Variants in MAP4K5 observed in about 807,000 individuals in gnomAD.
MAP4K5 encodes MAPK/ERK kinase kinase kinase 5.
In MAP4K5, 82 loss-of-function variants were observed where a neutral mutation model predicts 135.6. The ratio of observed to expected loss-of-function variants is 0.60; its 90% CI spans 0.51 to 0.73. MAP4K5 has a LOEUF of 0.73. Among genes scored for constraint, MAP4K5 ranks in the 30% least tolerant of loss-of-function variants. The pLI is 0.00. For missense variants in MAP4K5, 907 were observed against 1,010.9 expected, an observed-to-expected ratio of 0.90 and a Z score of 1.39; for synonymous variants, 347 against 335.0, an observed-to-expected ratio of 1.04 and a Z score of -0.39.
intron 26 of MAP4K5, among the ~76,000 whole-genome samples, chr14:50,436,634 G>C (rs1171034285): frequency 6.6e-6 from 1 of 152,094 alleles, no homozygotes; most frequent in Non-Finnish European, 1.5e-5. Context: ...TGCATACTGA[G>C]ATCAGCAAGG....
intron 1 of MAP4K5, among the ~76,000 whole-genome samples, chr14:50,556,713 T>G (rs931468840): frequency 3.3e-5 from 5 of 152,230 alleles, no homozygotes; most frequent in Non-Finnish European, 4.4e-5. Context: ...ATTTGCCTAT[T>G]CTATAAATTT....
intron 17 of MAP4K5, among the ~76,000 whole-genome samples, chr14:50,445,511 TC>T (rs1160202121): frequency 2.6e-5 from 4 of 152,186 alleles, no homozygotes; most frequent in Non-Finnish European, 5.9e-5. Context: ...ATGAACTGTT[TC>T]CCCTCCATGT....
chr14:50,441,730 A>C (rs113405977), intron 21 of MAP4K5, among the ~76,000 whole-genome samples: 1 of 148,932 alleles, frequency 6.7e-6, no homozygotes, highest in African/African-American at 2.5e-5. Context: ...GTCTCTAAAA[A>C]AAAATTATTT....
chr14:50,462,888 G>A (rs1595468621), intron 12 of MAP4K5, 107 bp from the exon 13 acceptor site: 2 of 655,938 alleles, frequency 3.0e-6, no homozygotes, highest in East Asian at 2.8e-5. Flanking sequence ...ACAAGTATAT[G>A]GGAGTCTACT....
chr14:50,534,317 T>G (rs988623029), upstream of MAP4K5, among the ~76,000 whole-genome samples: 1 of 152,110 alleles, frequency 6.6e-6, no homozygotes, highest in Non-Finnish European at 1.5e-5. Flanking sequence ...ACCAGAACAG[T>G]GTGACAAATC....
rs559983998 is a variant in MAP4K5, at chr14:50,469,062, T to C, written c.543-280A>G. ...TATTTTTGTGAATCTTGTTATGTAA[T>C]AGGCAAAAAGAAAAAGAATACCTAA... is the stretch of plus-strand genomic sequence containing the variant. On this transcript the variant is annotated intron_variant, in intron 9 of 32. Transcript: ENST00000682126. 1.1e-4 allele frequency among the ~76,000 whole-genome samples: 16 copies of C among 152,274 alleles called. No individual in the cohort carries two copies. The East Asian group carries it at 1.9e-3, about 18-fold the overall frequency.
Position 50,419,568 on chromosome 14 carries a change from T to C in MAP4K5, c.*451A>G, listed in dbSNP as rs2035678538. On this transcript the variant is annotated 3_prime_UTR_variant, in exon 33 of 33. Coordinates refer to ENST00000682126, the MANE Select transcript of MAP4K5 (RefSeq NM_006575.6). ...TAAATAAGGATTAAATATTCTGTTT[T>C]ACAAAAACATACAGAATGGCCAATA... 6.4e-6 allele frequency: 1 copy of C among 155,928 alleles called. No individual in the cohort carries two copies. The highest frequency in any genetic ancestry group is 6.3e-5 in the Admixed American group (1 of 15,962). The allele number at this position is 155,928 out of a possible 1,614,324, so 9.7% of individuals were successfully genotyped here.
At chr14:50,491,738 T>C (rs966001941) in intron 3 of MAP4K5, among the ~76,000 whole-genome samples, 1 of 150,966 alleles carries the variant, frequency 6.6e-6, no homozygotes, top group African/African-American at 2.4e-5. Flanking sequence ...CAGGCTAGAG[T>C]ACAGTGGCAC....
chr14:50,525,245 A>G (rs1452796544), intron 2 of MAP4K5, among the ~76,000 whole-genome samples: 1 of 152,196 alleles, frequency 6.6e-6, no homozygotes, highest in Non-Finnish European at 1.5e-5. Context: ...CACAAAATCC[A>G]GACTCCACAT....
At chr14:50,469,248 C>A (rs934401939) in intron 9 of MAP4K5, among the ~76,000 whole-genome samples, 1 of 152,064 alleles carries the variant, frequency 6.6e-6, no homozygotes, top group Non-Finnish European at 1.5e-5. Flanking sequence ...TGATAAGGGG[C>A]CATACATTGC....
At chr14:50,547,023 C>T (rs190882592) in intron 1 of MAP4K5, among the ~76,000 whole-genome samples, 1 of 151,936 alleles carries the variant, frequency 6.6e-6, no homozygotes, top group Admixed American at 6.6e-5. Context: ...GTGTTTCTCA[C>T]TCATAAGTGG....
At chr14:50,493,253 C>T (rs2037524241) in intron 3 of MAP4K5, among the ~76,000 whole-genome samples, 1 of 152,052 alleles carries the variant, frequency 6.6e-6, no homozygotes, top group Non-Finnish European at 1.5e-5. Context: ...GTATATGCTG[C>T]CATATCCGGC....
intron 6 of MAP4K5, among the ~76,000 whole-genome samples, chr14:50,480,315 A>G (rs1566668945): frequency 6.6e-6 from 1 of 151,296 alleles, no homozygotes; most frequent in East Asian, 1.9e-4. Flanking sequence ...ATTCAATGAC[A>G]CTCTGTTATA....
chr14:50,532,196 G>A (rs2140130593), intron 1 of MAP4K5, 38 bp from the exon 2 acceptor site: 3 of 595,330 alleles, frequency 5.0e-6, no homozygotes, highest in Admixed American at 6.2e-5. Context: ...TGGCGTCGCA[G>A]GCTACGACCC....
At chr14:50,461,025 ATATT>A (rs2036700065) in intron 13 of MAP4K5, among the ~76,000 whole-genome samples, 1 of 152,056 alleles carries the variant, frequency 6.6e-6, no homozygotes, top group Non-Finnish European at 1.5e-5. Flanking sequence ...AGTTACTATA[ATATT>A]TATTTATTTA....
chr14:50,432,556 C>CAAAAAAAAAA (rs56267301), intron 28 of MAP4K5, among the ~76,000 whole-genome samples: 1 of 139,964 alleles, frequency 7.1e-6, no homozygotes, highest in Non-Finnish European at 1.5e-5. Context: ...ACAAAACTCT[C>CAAAAAAAAAA]AAAAAAAAAA....
At chr14:50,434,856 A>G in intron 27 of MAP4K5, 106 bp downstream of exon 27, 1 of 679,818 alleles carries the variant, frequency 1.5e-6, no homozygotes, top group South Asian at 2.2e-5. Flanking sequence ...ACAAATAACT[A>G]TAAATGTTCT....
At chr14:50,471,146 T>TTAGC (rs1274056759) in intron 9 of MAP4K5, among the ~76,000 whole-genome samples, 1 of 152,080 alleles carries the variant, frequency 6.6e-6, no homozygotes, top group Non-Finnish European at 1.5e-5. Flanking sequence ...CCAGCATCCA[T>TTAGC]TAGCTATTCT....
intron 14 of MAP4K5, among the ~76,000 whole-genome samples, chr14:50,454,267 C>T (rs2036553131): frequency 6.6e-6 from 1 of 152,160 alleles, no homozygotes; most frequent in South Asian, 2.1e-4. Context: ...GGAGAGAGGG[C>T]AGGCGAGTAT....
Sources: allele counts gnomAD v4.1 joint callset (sites outside exome capture counted in the v4.1 genomes callset), GRCh38; gene constraint gnomAD v4.1.1; transcripts MANE v1.5; gene names NCBI Gene and HGNC (gene_info 2026-07-23, HGNC 2026-07-21).